Variants in PARD3 observed in about 807,000 individuals in gnomAD.
PARD3 encodes partitioning defective 3 homolog.
Under a neutral mutation model 155.4 loss-of-function variants are expected in PARD3, and 75 were observed. The ratio of observed to expected loss-of-function variants is 0.48; its 90% CI spans 0.40 to 0.58. The LOEUF is 0.58. Ranked by LOEUF, PARD3 falls within the 20% of genes least tolerant of loss-of-function variation. The pLI, the probability that PARD3 is intolerant of heterozygous loss-of-function variation, is 0.00. For missense variants in PARD3, 1,642 were observed against 1,721.7 expected (o/e 0.95, Z 0.82); for synonymous variants, 576 against 610.5 (o/e 0.94, Z 0.83).
At chr10:34,488,184 A>T (rs2079603413) in intron 3 of PARD3, among the ~76,000 whole-genome samples, 3 of 152,242 alleles carry the variant, frequency 2.0e-5, no homozygotes, top group Non-Finnish European at 4.4e-5. Context: ...GACCATCAAC[A>T]ATTACTTCAC....
At chr10:34,188,248 A>C (rs1358998308) in intron 22 of PARD3, among the ~76,000 whole-genome samples, 2 of 152,224 alleles carry the variant, frequency 1.3e-5, no homozygotes, top group African/African-American at 4.8e-5. Context: ...AAAGAGATCA[A>C]CAAAGAGGCA....
intron 22 of PARD3, among the ~76,000 whole-genome samples, chr10:34,237,479 T>C (rs1042345463): frequency 6.6e-6 from 1 of 152,206 alleles, no homozygotes; most frequent in Admixed American, 6.5e-5. Context: ...ACAACCATGA[T>C]AGTTTTTTGT....
At chr10:34,198,043 A>C (rs887366661) in intron 22 of PARD3, among the ~76,000 whole-genome samples, 2 of 152,188 alleles carry the variant, frequency 1.3e-5, no homozygotes, top group African/African-American at 4.8e-5. Context: ...GCTGTTATTT[A>C]ATAAGAAGCT....
At chr10:34,260,902 T>G (rs1198145006) in intron 22 of PARD3, among the ~76,000 whole-genome samples, 2 of 152,208 alleles carry the variant, frequency 1.3e-5, no homozygotes, top group Non-Finnish European at 2.9e-5. Flanking sequence ...AGGCTTCCCT[T>G]TGACGCAACC....
intron 22 of PARD3, among the ~76,000 whole-genome samples, chr10:34,233,887 G>A (rs1380523065): frequency 1.3e-5 from 2 of 152,130 alleles, no homozygotes; most frequent in Middle Eastern, 3.4e-3. Context: ...CTCCAAGGTG[G>A]CCCTTTACAC....
intron 2 of PARD3, among the ~76,000 whole-genome samples, chr10:34,643,039 T>C (rs1057004950): frequency 6.6e-6 from 1 of 152,198 alleles, no homozygotes; most frequent in Non-Finnish European, 1.5e-5. Context: ...TGTTCTATCC[T>C]GCCCTGTGGA....
rs576487987 is a variant in PARD3, at chr10:34,122,966, T to C, written c.3541-3226A>G. Among the ~76,000 whole-genome samples the C allele has an allele frequency of 9.9e-5, 15 of 152,278 alleles. No individual in the cohort carries two copies. The South Asian group carries it at 2.9e-3, about 29-fold the overall frequency. On this transcript the variant is annotated intron_variant, in intron 23 of 24. Transcript: ENST00000374788. ...TCACAGAGAAGTGTATGTTTTCAAA[T>C]AAAATATCATCAACAACTGCAGCGA...
At chr10:34,441,578 A>G (rs2076463416) in intron 5 of PARD3, among the ~76,000 whole-genome samples, 1 of 152,122 alleles carries the variant, frequency 6.6e-6, no homozygotes, top group Non-Finnish European at 1.5e-5. Flanking sequence ...GCCATCTGGT[A>G]CTCCTAAAAG....
intron 2 of PARD3, among the ~76,000 whole-genome samples, chr10:34,624,798 C>T (rs1054267144): frequency 7.2e-5 from 11 of 152,208 alleles, no homozygotes; most frequent in Non-Finnish European, 1.3e-4. Context: ...GTCGGGGCTG[C>T]GTCCTCCAGG....
intron 2 of PARD3, among the ~76,000 whole-genome samples, chr10:34,642,284 C>A (rs990357406): frequency 6.6e-6 from 1 of 152,132 alleles, no homozygotes; most frequent in Non-Finnish European, 1.5e-5. Context: ...CCAACTACCA[C>A]GTCAAAGGGC....
intron 2 of PARD3, among the ~76,000 whole-genome samples, chr10:34,609,223 T>C (rs1050226315): frequency 2.6e-5 from 4 of 152,204 alleles, no homozygotes; most frequent in African/African-American, 9.6e-5. Flanking sequence ...TTCAACTCAG[T>C]TATTTTTGTC....
At chr10:34,783,887 T>G (rs1840598689) in intron 1 of PARD3, among the ~76,000 whole-genome samples, 1 of 151,986 alleles carries the variant, frequency 6.6e-6, no homozygotes, top group African/African-American at 2.4e-5. Context: ...ACTTTCACAG[T>G]TTTATAACTA....
chr10:34,259,096 G>A (rs1954814849), intron 22 of PARD3, among the ~76,000 whole-genome samples: 2 of 151,754 alleles, frequency 1.3e-5, no homozygotes, highest in Non-Finnish European at 2.9e-5. Context: ...TCAAAGGAAG[G>A]GGAAAGCAGT....
chr10:34,657,515 C>A (rs2093205057), intron 2 of PARD3, among the ~76,000 whole-genome samples: 1 of 148,370 alleles, frequency 6.7e-6, no homozygotes, highest in African/African-American at 2.6e-5. Context: ...CACCTTTCTG[C>A]TTCTCAGTTT....
intron 20 of PARD3, among the ~76,000 whole-genome samples, chr10:34,313,795 T>C (rs1193778398): frequency 6.6e-6 from 1 of 152,046 alleles, no homozygotes; most frequent in Non-Finnish European, 1.5e-5. Flanking sequence ...GACAGGATGG[T>C]AGAGGGAGGA....
chr10:34,329,657 T>G (rs1835405199), intron 19 of PARD3, among the ~76,000 whole-genome samples: 1 of 151,886 alleles, frequency 6.6e-6, no homozygotes, highest in African/African-American at 2.4e-5. Flanking sequence ...CTGGAGAGGC[T>G]GACCTAAGGA....
chr10:34,661,060 A>G lies in PARD3; in HGVS notation c.222+35258T>C, dbSNP rs1590470318. Among the ~76,000 whole-genome samples the G allele has an allele frequency of 2.0e-5, 3 of 152,190 alleles. No homozygotes were observed. The South Asian group carries it at 6.2e-4, about 32-fold the overall frequency. Reference sequence around the variant, plus strand: ...TTTGCACATTAAATTCACTTTTTACATGGGGCAGAAACACTCAGATTATGA... The same window carrying G: ...TTTGCACATTAAATTCACTTTTTACGTGGGGCAGAAACACTCAGATTATGA... On this transcript the variant is annotated intron_variant, in intron 2 of 24. Transcript: ENST00000374788.
At chr10:34,187,127 G>T (rs1950524811) in intron 22 of PARD3, among the ~76,000 whole-genome samples, 3 of 152,100 alleles carry the variant, frequency 2.0e-5, no homozygotes, top group Admixed American at 6.6e-5. Context: ...CCAAGTTTTG[G>T]GGGTCCCAGG....
chr10:34,127,288 A>G (rs1339499155), intron 23 of PARD3, among the ~76,000 whole-genome samples: 2 of 152,190 alleles, frequency 1.3e-5, no homozygotes, highest in Admixed American at 6.5e-5. Flanking sequence ...AAACTCATCA[A>G]TCTGAGTTCT....
Sources: allele counts gnomAD v4.1 joint callset (sites outside exome capture counted in the v4.1 genomes callset), GRCh38; gene constraint gnomAD v4.1.1; transcripts MANE v1.5; gene names NCBI Gene and HGNC (gene_info 2026-07-23, HGNC 2026-07-21).